The following CPNE4 variants were observed in gnomAD, a reference collection of about 807,000 sequenced individuals.
CPNE4 encodes copine 4, also known as copine-4.
Under a neutral mutation model 67.9 loss-of-function variants are expected in CPNE4, and 25 were observed. The observed-to-expected ratio is 0.37, with a 90% CI of 0.27 to 0.51. The LOEUF (loss-of-function observed/expected upper bound fraction) is 0.51, where lower values mean the gene tolerates loss of function less well. Among genes scored for constraint, CPNE4 ranks in the 20% least tolerant of loss-of-function variants. The probability of loss-of-function intolerance (pLI) is 0.93; values close to 1 mark genes in which losing one functional copy is unlikely to be tolerated. For synonymous variants in CPNE4, 242 were observed against 244.9 expected, an observed-to-expected ratio of 0.99 and a Z score of 0.11; for missense variants, 464 against 690.8, an observed-to-expected ratio of 0.67 and a Z score of 3.68.
At chr3:131,727,126 C>A (rs1239492618) in intron 2 of CPNE4, among the ~76,000 whole-genome samples, 2 of 152,166 alleles carry the variant, frequency 1.3e-5, no homozygotes, top group Non-Finnish European at 2.9e-5. Flanking sequence ...TAAATATCAG[C>A]ACAAGGTATT....
intron 1 of CPNE4, among the ~76,000 whole-genome samples, chr3:132,019,735 C>T (rs2073953275): frequency 6.6e-6 from 1 of 152,016 alleles, no homozygotes; most frequent in South Asian, 2.1e-4. Flanking sequence ...AAAAGCAATC[C>T]CTCTGCTTTT....
chr3:131,557,224 T>A (rs1252564197), intron 11 of CPNE4, among the ~76,000 whole-genome samples: 1 of 152,120 alleles, frequency 6.6e-6, no homozygotes, highest in Admixed American at 6.5e-5. Flanking sequence ...TCATGTCATC[T>A]ACCTTTTATT....
intron 1 of CPNE4, chr3:132,017,566 C>T (rs965187559): frequency 6.6e-6 from 1 of 152,128 alleles, no homozygotes; most frequent in African/African-American, 2.4e-5. Flanking sequence ...CGTTGATGCA[C>T]CTACATAAAG....
At chr3:131,758,145 G>A (rs933105749) in intron 2 of CPNE4, among the ~76,000 whole-genome samples, 13 of 152,090 alleles carry the variant, frequency 8.5e-5, no homozygotes, top group African/African-American at 2.2e-4. Flanking sequence ...ACTGTCCTCC[G>A]GACCCCAGAA....
chr3:131,787,280 G>C (rs1435122790), intron 2 of CPNE4, among the ~76,000 whole-genome samples: 1 of 152,138 alleles, frequency 6.6e-6, no homozygotes, highest in Non-Finnish European at 1.5e-5. Context: ...AGATTTAGGG[G>C]GTTAGATATT....
intron 7 of CPNE4, among the ~76,000 whole-genome samples, chr3:131,650,186 T>G (rs557329931): frequency 1.3e-5 from 2 of 152,270 alleles, no homozygotes; most frequent in Non-Finnish European, 2.9e-5. Flanking sequence ...ATAATTCAAG[T>G]GATTAGGGAT....
At chr3:131,543,779 G>A (rs1008878985) in intron 14 of CPNE4, among the ~76,000 whole-genome samples, 9 of 152,266 alleles carry the variant, frequency 5.9e-5, no homozygotes, top group East Asian at 3.9e-4. Context: ...GCTATAAGAG[G>A]GTCAGGGTTG....
At chr3:131,949,042 T>G (rs2107880219) in intron 1 of CPNE4, among the ~76,000 whole-genome samples, 1 of 152,298 alleles carries the variant, frequency 6.6e-6, no homozygotes, top group African/African-American at 2.4e-5. Context: ...TCTTTAAATT[T>G]TTTTCTTATC....
intron 12 of CPNE4, among the ~76,000 whole-genome samples, chr3:131,553,195 A>C (rs889904455): frequency 6.6e-6 from 1 of 152,112 alleles, no homozygotes. Flanking sequence ...ATTTTTATTG[A>C]ATCATTTGGT....
At chr3:131,541,518 T>C (rs181024405) in intron 15 of CPNE4, among the ~76,000 whole-genome samples, 15 of 151,952 alleles carry the variant, frequency 9.9e-5, no homozygotes, top group African/African-American at 3.1e-4. Flanking sequence ...TATTAATTTA[T>C]AGAAAACTGA....
At chr3:131,683,948 C>T (rs2080821325) in intron 6 of CPNE4, among the ~76,000 whole-genome samples, 1 of 152,054 alleles carries the variant, frequency 6.6e-6, no homozygotes, top group Non-Finnish European at 1.5e-5. Flanking sequence ...CACTGAGTTC[C>T]AGTGCAAGGT....
chr3:131,547,330 C>T (rs889293320), intron 14 of CPNE4, among the ~76,000 whole-genome samples: 3 of 151,978 alleles, frequency 2.0e-5, no homozygotes, highest in South Asian at 4.2e-4. Context: ...TGGCACATGC[C>T]TTTGGTCCCA....
At chr3:131,839,913 C>A (rs1204400327) in intron 2 of CPNE4, among the ~76,000 whole-genome samples, 1 of 152,156 alleles carries the variant, frequency 6.6e-6, no homozygotes, top group Non-Finnish European at 1.5e-5. Flanking sequence ...TAGCTCTATT[C>A]TTTTGCAGTT....
At chr3:131,973,374 G>A (rs748728) in intron 1 of CPNE4, among the ~76,000 whole-genome samples, 2 of 152,090 alleles carry the variant, frequency 1.3e-5, no homozygotes, top group East Asian at 1.9e-4. Context: ...TTTTTCCCAA[G>A]AAGAATCAAT....
At chr3:131,652,916 C>A (rs780575647) in intron 7 of CPNE4, among the ~76,000 whole-genome samples, 1 of 152,154 alleles carries the variant, frequency 6.6e-6, no homozygotes, top group Non-Finnish European at 1.5e-5. Flanking sequence ...TCTGTAGATG[C>A]CTTCAACTCA....
At chr3:131,569,920 C>T (rs914307437) in intron 10 of CPNE4, among the ~76,000 whole-genome samples, 14 of 151,872 alleles carry the variant, frequency 9.2e-5, no homozygotes, top group South Asian at 2.1e-4. Context: ...AAATATCACT[C>T]GCCATGCCAC....
chr3:131,973,077 G>C (rs907634940), intron 1 of CPNE4, among the ~76,000 whole-genome samples: 1 of 152,080 alleles, frequency 6.6e-6, no homozygotes, highest in Non-Finnish European at 1.5e-5. Flanking sequence ...ATCCCAACTG[G>C]TTGTAACAGC....
intron 2 of CPNE4, among the ~76,000 whole-genome samples, chr3:131,896,421 C>T (rs1231462805): frequency 6.6e-6 from 1 of 151,954 alleles, no homozygotes; most frequent in Non-Finnish European, 1.5e-5. Flanking sequence ...ACTAATAGCA[C>T]AAACCTGGGA....
At chr3:131,666,427 G>A (rs1434007788) in intron 7 of CPNE4, among the ~76,000 whole-genome samples, 1 of 151,976 alleles carries the variant, frequency 6.6e-6, no homozygotes, top group Non-Finnish European at 1.5e-5. Flanking sequence ...AAATACATAT[G>A]TAATGAAGAA....
Sources: gnomAD v4.1 joint callset for allele counts (sites outside exome capture counted in the v4.1 genomes callset) on GRCh38, gnomAD v4.1.1 for gene constraint, MANE v1.5 for transcripts, NCBI Gene and HGNC (gene_info 2026-07-23, HGNC 2026-07-21) for gene names.